The following ZNF763 variants were observed in gnomAD, a reference collection of about 807,000 sequenced individuals.
The protein encoded by ZNF763 is DNA-binding protein.
ZNF763 carries 33 observed loss-of-function variants against 38.0 expected under a neutral mutation model. The ratio of observed to expected loss-of-function variants is 0.87; its 90% CI spans 0.66 to 1.16. The LOEUF (loss-of-function observed/expected upper bound fraction) is 1.16, where lower values mean the gene tolerates loss of function less well. Among genes scored for constraint, ZNF763 ranks in the 50% most tolerant of loss-of-function variants. The pLI is 0.00. For missense variants in ZNF763, 423 were observed against 469.1 expected (o/e 0.90, Z 0.91); for synonymous variants, 155 against 160.1 (o/e 0.97, Z 0.24).
chr19:11,978,782 T>C lies in ZNF763; in HGVS notation c.858T>C (p.Cys286=). ...ACACTGGGGGAAAGCCATATGAATG[T>C]AAACAATGTGGCAAATCCTTCAGTT... ...RTHTGGKPYE[C]KQCGKSFSWC... The change falls in exon 4 of 4, where the codon TGT becomes TGC. Residue 286 remains cysteine, a synonymous_variant. Transcript: ENST00000358987. 6.2e-7 allele frequency: 1 copy of C among 1,614,164 alleles called. No homozygotes were observed.
At chr19:11,971,144 A>G (rs1973342734) in intron 1 of ZNF763, among the ~76,000 whole-genome samples, 1 of 152,144 alleles carries the variant, frequency 6.6e-6, no homozygotes, top group African/African-American at 2.4e-5. Flanking sequence ...TTAAAGAATA[A>G]ACATTTGTTT....
intron 1 of ZNF763, among the ~76,000 whole-genome samples, chr19:11,975,570 C>T (rs1361983352): frequency 1.3e-5 from 2 of 151,780 alleles, no homozygotes; most frequent in African/African-American, 4.8e-5. Context: ...GCCAATTTTT[C>T]GTATTTTTAG....
chr19:11,977,774 C>T (rs1419623816), intron 3 of ZNF763, among the ~76,000 whole-genome samples: 1 of 152,140 alleles, frequency 6.6e-6, no homozygotes, highest in African/African-American at 2.4e-5. Flanking sequence ...AAGGATCACT[C>T]AAGCCCCCAG....
At position 11,978,654 on chromosome 19, in the gene ZNF763, C is replaced by T. The variant is rs200775347; in HGVS notation, c.730C>T (p.Arg244Ter). ...ATCCTTTAGTTATTCTGCTACCCAT[C>T]GAATACATGAAAGAACTCACACTGG... ...VKSFSYSATH[R>*]IHERTHTGEK... is the part of the protein sequence containing the mutation. The change falls in exon 4 of 4, where the codon CGA (arginine) becomes TGA (stop). Residue 244 changes from arginine to a stop codon, truncating the protein, a stop_gained. Transcript: ENST00000358987. LOFTEE classifies it high-confidence loss of function. The T allele has an allele frequency of 1.2e-3, 1,916 of 1,614,030 alleles. 13 individuals carry two copies. Among genetic ancestry groups the T allele is most frequent in the Non-Finnish European group, 6.9e-4 (818 of 1,179,978 alleles).
intron 1 of ZNF763, among the ~76,000 whole-genome samples, chr19:11,974,491 T>C (rs1022709696): frequency 1.2e-4 from 18 of 152,008 alleles, no homozygotes; most frequent in East Asian, 1.9e-4. Context: ...CCACTGCCCC[T>C]GGCCTGTTTT....
In ZNF763 at chr19:11,979,527, C is replaced by A. The variant is rs1973576220; in HGVS notation, c.*418C>A. The A allele has an allele frequency of 1.9e-6, 3 of 1,603,408 alleles. No individual in the cohort carries two copies. The South Asian group carries it at 3.3e-5, about 18-fold the overall frequency. On this transcript the variant is annotated 3_prime_UTR_variant, in exon 4 of 4. Transcript: ENST00000358987. ...TTTCAAAGACATGAAAAAACTCACA[C>A]TGCAGAGAAACCCTATGAATGCAAG...
At position 11,977,429 on chromosome 19, in the gene ZNF763, C is replaced by A. The variant is rs1973519841; in HGVS notation, c.189C>A (p.Phe63Leu). 1.2e-6 allele frequency: 2 copies of A among 1,613,784 alleles called. No individual in the cohort carries two copies. The highest frequency in any genetic ancestry group is 3.3e-5 in the Admixed American group (2 of 59,980). ...EYEYQNPRRNFRSLIEGNVNE... is the reference protein window; with the variant it reads ...EYEYQNPRRNLRSLIEGNVNE... ...AGTACCAAAACCCCAGGAGAAACTTCAGGTAATTGGCACTTAAAGAGAAAG... is the reference window on the plus strand; with the variant it reads ...AGTACCAAAACCCCAGGAGAAACTTAAGGTAATTGGCACTTAAAGAGAAAG... The change falls in exon 3 of 4, where the codon TTC (phenylalanine) becomes TTA (leucine). Residue 63 changes from phenylalanine to leucine, a missense_variant and splice_region_variant. Transcript: ENST00000358987.
chr19:11,974,568 C>G (rs552417806), intron 1 of ZNF763, among the ~76,000 whole-genome samples: 25 of 126,858 alleles, frequency 2.0e-4, no homozygotes, highest in African/African-American at 7.9e-4. Flanking sequence ...TAATTACATT[C>G]TTTAGGGGGA....
At position 11,977,390 on chromosome 19, in the gene ZNF763, G is replaced by C. The variant is rs748159741; in HGVS notation, c.150G>C (p.Gln50His). 2 of 1,613,980 alleles carry C rather than the reference G, an allele frequency of 1.2e-6. No homozygotes were observed. The highest frequency in any genetic ancestry group is 3.3e-5 in the Admixed American group (2 of 60,010). ...LTSIGKKWKD[Q>H]NIEYEYQNPR... ...TTTTAGGGAAAAAGTGGAAAGACCA[G>C]AACATTGAATATGAGTACCAAAACC... is the stretch of plus-strand genomic sequence containing the variant. Residue 50 changes from glutamine (Q) to histidine (H), a missense_variant, in exon 3 of 4, where the codon CAG (glutamine) becomes CAC (histidine). By Grantham distance (24) the Gln-to-His change is conservative. Transcript: ENST00000358987.
intron 1 of ZNF763, among the ~76,000 whole-genome samples, chr19:11,972,146 A>G (rs1568307416): frequency 6.6e-6 from 1 of 151,894 alleles, no homozygotes; most frequent in Non-Finnish European, 1.5e-5. Context: ...ATACCTGGTC[A>G]TGGTGATGTG....
intron 2 of ZNF763, 69 bp from the exon 3 acceptor site, chr19:11,977,302 C>A: frequency 1.9e-6 from 3 of 1,606,494 alleles, no homozygotes; most frequent in Non-Finnish European, 2.5e-6. Flanking sequence ...AAATCATAGA[C>A]ATAGAATCTA....
intron 1 of ZNF763, among the ~76,000 whole-genome samples, chr19:11,974,360 T>A (rs112218513): frequency 6.6e-6 from 1 of 150,766 alleles, no homozygotes; most frequent in South Asian, 2.1e-4. Flanking sequence ...CCACTCCTGA[T>A]AAATTTTTGT....
rs552659610 is a variant in ZNF763 at position 11,979,387 on chromosome 19, A to G, written c.*278A>G. The G allele has an allele frequency of 2.0e-5, 33 of 1,611,984 alleles. No individual in the cohort carries two copies. The East Asian group carries it at 7.1e-4, about 35-fold the overall frequency. On this transcript the variant is annotated 3_prime_UTR_variant, in exon 4 of 4. Transcript: ENST00000358987. ...GTAAGGAATGTGGGAAAGCCTTCAG[A>G]TCTGCCTCACACCTTCAAATTCATG...
intron 1 of ZNF763, among the ~76,000 whole-genome samples, chr19:11,975,571 G>A (rs747261626): frequency 2.6e-5 from 4 of 151,812 alleles, no homozygotes; most frequent in East Asian, 1.9e-4. Context: ...CCAATTTTTC[G>A]TATTTTTAGT....
At position 11,980,096 on chromosome 19, in the gene ZNF763, T is replaced by A; in HGVS notation, c.*987T>A. On this transcript the variant is annotated 3_prime_UTR_variant, in exon 4 of 4. Coordinates refer to ENST00000358987, the MANE Select transcript of ZNF763 (RefSeq NM_001367172.2). Reference sequence around the variant, plus strand: ...TAAGCAATGTGGAAAAACCTTCAGATCTACCTCACACCTTCGAAAACATGG... The same window carrying A: ...TAAGCAATGTGGAAAAACCTTCAGAACTACCTCACACCTTCGAAAACATGG... The A allele has an allele frequency of 1.0e-6, 1 of 979,320 alleles. No individual in the cohort carries two copies. Among genetic ancestry groups the A allele is most frequent in the Non-Finnish European group, 1.6e-6 (1 of 641,730 alleles). The allele number at this position is 979,320 out of a possible 1,614,324, so 60.7% of individuals were successfully genotyped here. A position where few individuals can be genotyped will look rare whatever the true frequency, so the allele number is the denominator to read the frequency against.
intron 1 of ZNF763, among the ~76,000 whole-genome samples, chr19:11,974,318 T>C (rs1024705917): frequency 6.6e-6 from 1 of 151,064 alleles, no homozygotes; most frequent in African/African-American, 2.4e-5. Context: ...TGACTCAGCC[T>C]CCCAAGTAGC....
chr19:11,974,126 T>TTTCTTTCTTTC (rs1177618111), intron 1 of ZNF763, among the ~76,000 whole-genome samples: 6 of 55,088 alleles, frequency 1.1e-4, no homozygotes, highest in East Asian at 7.0e-4. Context: ...TCTTTCTTTC[T>TTTCTTTCTTTC]TTTCTTTCTT....
In ZNF763 at chr19:11,980,223, C is replaced by A. The variant is rs111386150; in HGVS notation, c.*1114C>A. 8,276 of 409,446 alleles carry A rather than the reference C, an allele frequency of 0.02. 101 individuals carry two copies. The highest frequency in any genetic ancestry group is 0.027 in the African/African-American group (1,298 of 47,880). The allele number at this position is 409,446 out of a possible 1,614,324, so 25.4% of individuals were successfully genotyped here. A position where few individuals can be genotyped will look rare whatever the true frequency, so the allele number is the denominator to read the frequency against. ...GATGAAACCCCTGTCTCTACTAAAA[C>A]TACAAAAATTGGCCAGGCGTGGTGG... On this transcript the variant is annotated 3_prime_UTR_variant, in exon 4 of 4. Transcript: ENST00000358987.
At chr19:11,977,791 A>G (rs992676133) in intron 3 of ZNF763, among the ~76,000 whole-genome samples, 22 of 152,222 alleles carry the variant, frequency 1.4e-4, no homozygotes, top group Non-Finnish European at 2.2e-4. Context: ...CCAGGAGTTA[A>G]AGGCTGTGGT....
Sources: gnomAD v4.1 joint callset for allele counts (sites outside exome capture counted in the v4.1 genomes callset) on GRCh38, gnomAD v4.1.1 for gene constraint, MANE v1.5 for transcripts, NCBI Gene and HGNC (gene_info 2026-07-23, HGNC 2026-07-21) for gene names.